ZNF469: variants seen among roughly 807,000 people sequenced by gnomAD.
The protein encoded by ZNF469 is zinc finger protein 469.
In ZNF469, 1 loss-of-function variant was observed where a neutral mutation model predicts 1.0. That is an observed-to-expected ratio of 1.00 (90% CI 0.35 to 4.73). The LOEUF (loss-of-function observed/expected upper bound fraction) is 4.73. ZNF469 is among the 30% of genes most tolerant of loss of function. ZNF469 has a pLI of 0.16. For synonymous variants in ZNF469, 2,703 were observed against 2,363.4 expected (o/e 1.14, Z -4.17); for missense variants, 6,100 against 5,356.3 (o/e 1.14, Z -4.33).
the ZNF469 span, among the ~76,000 whole-genome samples, chr16:88,133,686 TATTAA>T: frequency 1.3e-5 from 2 of 151,224 alleles, no homozygotes. Flanking sequence ...ATCAAATAAT[TATTAA>T]ATTAATTAAC....
At chr16:88,328,258 A>T in the ZNF469 span, among the ~76,000 whole-genome samples, 3 of 152,358 alleles carry the variant, frequency 2.0e-5, no homozygotes, top group Admixed American at 2.0e-4. Context: ...ATTCTGCCTT[A>T]AAGGTGTATT....
chr16:88,155,437 A>C, the ZNF469 span, among the ~76,000 whole-genome samples: 1 of 152,236 alleles, frequency 6.6e-6, no homozygotes, highest in Non-Finnish European at 1.5e-5. Flanking sequence ...TTGCCCCAAA[A>C]GGAAACTGTC....
chr16:88,103,688 C>G, the ZNF469 span, among the ~76,000 whole-genome samples: 1 of 152,088 alleles, frequency 6.6e-6, no homozygotes, highest in Non-Finnish European at 1.5e-5. Context: ...GAATAATCCT[C>G]CGTGGCACGA....
At chr16:88,249,423 CTTTTTCTTT>C in the ZNF469 span, among the ~76,000 whole-genome samples, 13 of 61,746 alleles carry the variant, frequency 2.1e-4, no homozygotes, top group African/African-American at 9.2e-4. Flanking sequence ...CTTTCTTTTT[CTTTTTCTTT>C]TTTTTTTTTT....
At chr16:88,342,856 G>C in the ZNF469 span, among the ~76,000 whole-genome samples, 3 of 152,208 alleles carry the variant, frequency 2.0e-5, no homozygotes, top group East Asian at 1.9e-4. Context: ...AGCCCTTGTC[G>C]GGACCCAGTT....
the ZNF469 span, among the ~76,000 whole-genome samples, chr16:88,166,466 G>A: frequency 1.6e-4 from 24 of 152,190 alleles, no homozygotes; most frequent in Non-Finnish European, 2.4e-4. The surrounding 1 kb of genome is among the most constrained non-coding windows in gnomAD (Gnocchi z 4.5). Context: ...TGTACGGTTC[G>A]CTGTTTTGGC....
the ZNF469 span, among the ~76,000 whole-genome samples, chr16:88,144,699 C>T: frequency 1.2e-4 from 19 of 152,154 alleles, no homozygotes; most frequent in African/African-American, 3.4e-4. Context: ...AAGGAGAAGG[C>T]GAAGCTCTAT....
chr16:88,292,143 C>T, the ZNF469 span, among the ~76,000 whole-genome samples: 1 of 152,138 alleles, frequency 6.6e-6, no homozygotes, highest in Non-Finnish European at 1.5e-5. Context: ...AAGGGGACTT[C>T]CAGAGGCAGA....
At chr16:88,316,545 C>CTTTTTTTTTTT in the ZNF469 span, among the ~76,000 whole-genome samples, 51 of 100,986 alleles carry the variant, frequency 5.1e-4, 1 homozygote, top group East Asian at 1.1e-3. Flanking sequence ...TAGGTGCTGT[C>CTTTTTTTTTTT]TTTTTTTTTT....
the ZNF469 span, among the ~76,000 whole-genome samples, chr16:88,239,739 T>A: frequency 1.2e-5 from 1 of 83,034 alleles, no homozygotes; most frequent in Non-Finnish European, 2.4e-5. Flanking sequence ...TTTTTTTTTT[T>A]TTAGTAGAGA....
At chr16:88,145,198 C>T in the ZNF469 span, among the ~76,000 whole-genome samples, 1 of 152,130 alleles carries the variant, frequency 6.6e-6, no homozygotes, top group Admixed American at 6.5e-5. Flanking sequence ...GACCTTAAGT[C>T]CCAGGGAAGG....
chr16:88,434,207 A>G lies in ZNF469; in HGVS notation c.6737A>G (p.Lys2246Arg). ...VTCTHSGDTP[K>R]DSTLRIPEDS... The stretch of plus-strand genomic sequence containing the variant: ...TGCACTCACAGTGGGGACACCCCCA[A>G]AGACAGCACTTTAAGAATTCCAGAG... The change falls in exon 3 of 3, where the codon AAA becomes AGA. Residue 2246 changes from lysine (K) to arginine (R), a missense_variant. By Grantham distance (26) the Lys-to-Arg change is conservative. Coordinates refer to ENST00000565624, the MANE Select transcript of ZNF469 (RefSeq NM_001367624.2). 2 of 1,550,388 alleles carry G rather than the reference A, an allele frequency of 1.3e-6. No homozygotes were observed. Among genetic ancestry groups the G allele is most frequent in the Non-Finnish European group, 1.7e-6 (2 of 1,146,974 alleles).
In ZNF469 at chr16:88,430,580, G is replaced by C. The variant is rs1324764985; in HGVS notation, c.3110G>C (p.Arg1037Thr). ...RRRLPPRKDP[R>T]KRKARGGAWG... is the part of the protein sequence containing the mutation. ...CGGCTGCCCCCCAGGAAGGACCCCAGGAAGAGGAAGGCTCGGGGCGGCGCC... is the reference window on the plus strand; with the variant it reads ...CGGCTGCCCCCCAGGAAGGACCCCACGAAGAGGAAGGCTCGGGGCGGCGCC... Residue 1037 changes from arginine to threonine, a missense_variant, in exon 3 of 3, where the codon AGG becomes ACG. Arg to Thr is a moderately conservative substitution (Grantham distance 71, BLOSUM62 -1). Coordinates refer to ENST00000565624, the MANE Select transcript of ZNF469 (RefSeq NM_001367624.2). The C allele has an allele frequency of 2.7e-6, 4 of 1,499,708 alleles. No individual in the cohort carries two copies. The East Asian group carries it at 8.2e-5, about 31-fold the overall frequency. The allele number at this position is 1,499,708 out of a possible 1,614,324, so 92.9% of individuals were successfully genotyped here.
chr16:88,161,096 G>T, the ZNF469 span, among the ~76,000 whole-genome samples: 1 of 151,686 alleles, frequency 6.6e-6, no homozygotes, highest in East Asian at 1.9e-4. Context: ...AGGGGGCAGA[G>T]CTTGCAGTGA....
At chr16:88,213,122 G>A in the ZNF469 span, among the ~76,000 whole-genome samples, 724 of 150,570 alleles carry the variant, frequency 4.8e-3, 11 homozygotes, top group South Asian at 0.043. Flanking sequence ...TCTTTGAGAT[G>A]GAGTCTCGCT....
chr16:88,377,017 G>A, the ZNF469 span, among the ~76,000 whole-genome samples: 1 of 152,272 alleles, frequency 6.6e-6, no homozygotes, highest in Non-Finnish European at 1.5e-5. Context: ...CCAGGCCCCA[G>A]CGCAGGCTGG....
the ZNF469 span, among the ~76,000 whole-genome samples, chr16:88,205,236 T>C: frequency 0.42 from 63,993 of 152,022 alleles, 15,160 homozygotes; most frequent in South Asian, 0.56. This position sits in a 1 kb window ranked among gnomAD's most constrained non-coding sequence, Gnocchi z 4.2. Context: ...CAATCCGCAA[T>C]GGAGATGTTT....
At position 88,435,809 on chromosome 16, in the gene ZNF469, G is replaced by A; in HGVS notation, c.8339G>A (p.Arg2780Lys). ...SGSEPAEDSS[R>K]AHSRSEEGVW... ...AGCGAGCCTGCGGAGGACAGCAGCAGGGCCCACAGCCGATCAGAGGAAGGT... is the reference window on the plus strand; with the variant it reads ...AGCGAGCCTGCGGAGGACAGCAGCAAGGCCCACAGCCGATCAGAGGAAGGT... Residue 2780 changes from arginine (R) to lysine (K), a missense_variant, in exon 3 of 3, where the codon AGG (arginine) becomes AAG (lysine). Transcript: ENST00000565624. The A allele has an allele frequency of 6.4e-7, 1 of 1,550,564 alleles. No individual in the cohort carries two copies. The highest frequency in any genetic ancestry group is 8.7e-7 in the Non-Finnish European group (1 of 1,146,952).
chr16:88,368,871 G>A, the ZNF469 span, among the ~76,000 whole-genome samples: 3 of 152,144 alleles, frequency 2.0e-5, no homozygotes, highest in Admixed American at 1.3e-4. Context: ...TTGAGGTCAG[G>A]AGTTCGAGAC....
Sources: gnomAD v4.1 joint callset for allele counts (sites outside exome capture counted in the v4.1 genomes callset) on GRCh38, gnomAD v4.1.1 for gene constraint, Gnocchi (gnomAD v3.1) non-coding constraint, MANE v1.5 for transcripts, NCBI Gene and HGNC (gene_info 2026-07-23, HGNC 2026-07-21) for gene names.